Variants in SMCO2 observed in about 807,000 individuals in gnomAD.
SMCO2 encodes the protein single-pass membrane protein with coiled-coil domains 2.
A neutral mutation model predicts 29.5 loss-of-function variants in SMCO2; 25 were observed. The ratio of observed to expected loss-of-function variants is 0.85; its 90% CI spans 0.62 to 1.18. The LOEUF is 1.18. Ranked by LOEUF, SMCO2 falls within the 50% of genes most tolerant of loss-of-function variation. SMCO2 has a pLI of 0.00. For missense variants in SMCO2, 348 were observed against 344.5 expected, an observed-to-expected ratio of 1.01 and a Z score of -0.08; for synonymous variants, 117 against 123.3, an observed-to-expected ratio of 0.95 and a Z score of 0.34.
At chr12:27,454,933 C>A in the SMCO2 span, among the ~76,000 whole-genome samples, 1 of 152,152 alleles carries the variant, frequency 6.6e-6, no homozygotes, top group Admixed American at 6.5e-5. Flanking sequence ...GCATAGTATT[C>A]CATGGCAGAG....
exon 7 of SMCO2, chr12:27,495,773 G>C (rs1049810871): frequency 7.1e-6 from 11 of 1,541,304 alleles, no homozygotes; most frequent in Non-Finnish European, 8.8e-6. Flanking sequence ...TGAGGAAATA[G>C]ATACGGAAGA....
At chr12:27,428,478 G>C in the SMCO2 span, among the ~76,000 whole-genome samples, 1 of 151,718 alleles carries the variant, frequency 6.6e-6, no homozygotes, top group Non-Finnish European at 1.5e-5. Flanking sequence ...TTGTTTGGCT[G>C]TTTTGGTTGT....
chr12:27,474,733 A>G, intron 3 of SMCO2, 53 bp from the exon 4 acceptor site: 2 of 1,546,292 alleles, frequency 1.3e-6, no homozygotes, highest in Non-Finnish European at 1.7e-6. Flanking sequence ...AAGAACCACC[A>G]CATCTTGTAC....
At chr12:27,435,043 A>G in the SMCO2 span, among the ~76,000 whole-genome samples, 1 of 152,208 alleles carries the variant, frequency 6.6e-6, no homozygotes, top group East Asian at 1.9e-4. Context: ...GGGGTTCCCT[A>G]GCCAGGCACG....
intron 5 of SMCO2, among the ~76,000 whole-genome samples, chr12:27,491,552 A>T (rs1038358632): frequency 1.2e-4 from 18 of 152,330 alleles, no homozygotes; most frequent in African/African-American, 4.3e-4. Context: ...CGTGTTAAAA[A>T]ATAGCTATAC....
chr12:27,456,461 G>T, the SMCO2 span, among the ~76,000 whole-genome samples: 870 of 152,224 alleles, frequency 5.7e-3, 12 homozygotes, highest in African/African-American at 0.02. Flanking sequence ...GGTCGGCAGA[G>T]GGGGGAGGAA....
At chr12:27,428,752 T>A in the SMCO2 span, among the ~76,000 whole-genome samples, 1 of 151,854 alleles carries the variant, frequency 6.6e-6, no homozygotes. Flanking sequence ...GCTTCTCACA[T>A]TTACTCCTGT....
chr12:27,459,014 C>T, the SMCO2 span, among the ~76,000 whole-genome samples: 3 of 151,502 alleles, frequency 2.0e-5, no homozygotes, highest in Admixed American at 6.6e-5. Flanking sequence ...GGTGAAACCC[C>T]GTCTCTACTA....
chr12:27,498,441 C>A, intron 7 of SMCO2: 1 of 216,824 alleles, frequency 4.6e-6, no homozygotes, highest in South Asian at 8.6e-5. Flanking sequence ...TCACAGAGTT[C>A]TATGATAGCT....
At chr12:27,455,469 T>C in the SMCO2 span, among the ~76,000 whole-genome samples, 1 of 152,158 alleles carries the variant, frequency 6.6e-6, no homozygotes, top group Admixed American at 6.5e-5. Context: ...AAATCACAAA[T>C]TGCTTTCAGA....
chr12:27,487,697 C>G (rs556668484), intron 4 of SMCO2, among the ~76,000 whole-genome samples: 1 of 151,526 alleles, frequency 6.6e-6, no homozygotes, highest in Admixed American at 6.6e-5. Flanking sequence ...TATGAATGAT[C>G]GCGTTTCTCC....
intron 4 of SMCO2, 101 bp downstream of exon 4, chr12:27,475,014 C>G: frequency 7.2e-7 from 1 of 1,385,542 alleles, no homozygotes; most frequent in Non-Finnish European, 9.7e-7. Context: ...ATTTAAAATC[C>G]ATACATGTCT....
At chr12:27,456,867 G>A in the SMCO2 span, among the ~76,000 whole-genome samples, 2 of 152,176 alleles carry the variant, frequency 1.3e-5, no homozygotes, top group African/African-American at 4.8e-5. Flanking sequence ...GCAGCAGGCA[G>A]GTGAGCATTG....
chr12:27,488,521 G>T (rs953015419), exon 5 of SMCO2: 2 of 1,540,160 alleles, frequency 1.3e-6, no homozygotes, highest in Non-Finnish European at 1.8e-6. Context: ...CCGGGGCCTT[G>T]ACCTTGATCA....
At chr12:27,473,848 A>G (rs751924768) in intron 3 of SMCO2, among the ~76,000 whole-genome samples, 2 of 152,236 alleles carry the variant, frequency 1.3e-5, no homozygotes, top group South Asian at 2.1e-4. Flanking sequence ...GAAATATTTC[A>G]TAAAGAGTTA....
the SMCO2 span, among the ~76,000 whole-genome samples, chr12:27,451,027 CG>C: frequency 7.9e-5 from 12 of 152,110 alleles, no homozygotes; most frequent in Admixed American, 2.6e-4. Flanking sequence ...ATTGCCAAGC[CG>C]AGGCTCTCAT....
chr12:27,461,640 A>G, the SMCO2 span, among the ~76,000 whole-genome samples: 4 of 152,274 alleles, frequency 2.6e-5, no homozygotes, highest in Admixed American at 6.5e-5. Context: ...TGTGTCTTCC[A>G]CCATTGCCTT....
the SMCO2 span, among the ~76,000 whole-genome samples, chr12:27,445,170 G>A: frequency 6.6e-6 from 1 of 152,158 alleles, no homozygotes; most frequent in Non-Finnish European, 1.5e-5. Context: ...CAGTAGATTG[G>A]TGGTTACCAG....
chr12:27,447,157 C>T, the SMCO2 span, among the ~76,000 whole-genome samples: 4 of 152,268 alleles, frequency 2.6e-5, no homozygotes, highest in Non-Finnish European at 5.9e-5. Context: ...GACACAGCCC[C>T]TTAACAAGGC....
Sources: allele counts gnomAD v4.1 joint callset (sites outside exome capture counted in the v4.1 genomes callset), GRCh38; gene constraint gnomAD v4.1.1; transcripts MANE v1.5; gene names NCBI Gene and HGNC (gene_info 2026-07-23, HGNC 2026-07-21).